The following CDK14 variants were observed in gnomAD, a reference collection of about 807,000 sequenced individuals.
CDK14 encodes cyclin dependent kinase 14.
Under a neutral mutation model 60.7 loss-of-function variants are expected in CDK14, and 34 were observed. That is an observed-to-expected ratio of 0.56 (90% CI 0.43 to 0.75). The LOEUF is 0.75. CDK14 is among the 30% of genes least tolerant of loss of function. The probability of loss-of-function intolerance (pLI) is 0.00; values close to 1 mark genes in which losing one functional copy is unlikely to be tolerated. For missense variants in CDK14, 482 were observed against 564.1 expected, an observed-to-expected ratio of 0.85 and a Z score of 1.47; for synonymous variants, 197 against 203.7, an observed-to-expected ratio of 0.97 and a Z score of 0.28.
intron 6 of CDK14, among the ~76,000 whole-genome samples, chr7:90,890,031 T>G (rs539081688): frequency 3.7e-4 from 57 of 152,320 alleles, no homozygotes; most frequent in Middle Eastern, 3.4e-3. Flanking sequence ...TGAATAACAT[T>G]TGATAAAATG....
chr7:91,058,031 C>T (rs1797643689), intron 11 of CDK14, among the ~76,000 whole-genome samples: 1 of 151,912 alleles, frequency 6.6e-6, no homozygotes, highest in Non-Finnish European at 1.5e-5. Context: ...ATTCTTCCTA[C>T]CCATGAGCAT....
chr7:90,773,843 C>CTCTCCTCTCCTCTCCTCTCCTCTCCT (rs1804886221), intron 4 of CDK14, among the ~76,000 whole-genome samples: 1 of 78,660 alleles, frequency 1.3e-5, no homozygotes, highest in Non-Finnish European at 2.3e-5. Context: ...TCTTCTCTTC[C>CTCTCCTCTCCTCTCCTCTCCTCTCCT]CTCCTCTCCT....
intron 11 of CDK14, among the ~76,000 whole-genome samples, chr7:91,061,410 A>G (rs1045422040): frequency 6.6e-6 from 1 of 152,182 alleles, no homozygotes; most frequent in Non-Finnish European, 1.5e-5. Flanking sequence ...CGTCAAAGTC[A>G]TTCTCCATCC....
chr7:90,694,185 GCAGT>G (rs1359903397), intron 2 of CDK14, among the ~76,000 whole-genome samples: 1 of 152,068 alleles, frequency 6.6e-6, no homozygotes, highest in South Asian at 2.1e-4. Flanking sequence ...ATTTTGTGAA[GCAGT>G]CAAAGATGGA....
At chr7:91,057,013 A>C (rs932763374) in intron 11 of CDK14, among the ~76,000 whole-genome samples, 19 of 152,118 alleles carry the variant, frequency 1.2e-4, no homozygotes, top group African/African-American at 3.9e-4. Context: ...AAACTAGTTT[A>C]CAGTCCCACC....
chr7:90,978,659 A>G (rs1195090648), intron 9 of CDK14, among the ~76,000 whole-genome samples: 2 of 152,126 alleles, frequency 1.3e-5, no homozygotes, highest in African/African-American at 2.4e-5. Flanking sequence ...TTTGGGAAAA[A>G]GTTAGATAGC....
At chr7:91,199,011 A>G (rs2115983453) in intron 14 of CDK14, among the ~76,000 whole-genome samples, 1 of 152,258 alleles carries the variant, frequency 6.6e-6, no homozygotes, top group Non-Finnish European at 1.5e-5. Flanking sequence ...CACTCTGGGG[A>G]GTGACTTTGT....
chr7:91,057,101 C>T (rs1343783918), intron 11 of CDK14, among the ~76,000 whole-genome samples: 1 of 152,172 alleles, frequency 6.6e-6, no homozygotes, highest in Non-Finnish European at 1.5e-5. Context: ...GATTGCCATT[C>T]TAACTGGTGT....
intron 2 of CDK14, among the ~76,000 whole-genome samples, chr7:90,667,940 G>T: frequency 6.6e-6 from 1 of 152,096 alleles, no homozygotes; most frequent in African/African-American, 2.4e-5. Context: ...TCCATTAGTT[G>T]ACGGACATTT....
intron 14 of CDK14, among the ~76,000 whole-genome samples, chr7:91,193,907 C>T (rs961527226): frequency 6.6e-6 from 1 of 152,052 alleles, no homozygotes; most frequent in Non-Finnish European, 1.5e-5. Flanking sequence ...CTCTTCTTGC[C>T]ATTAATTGTT....
chr7:90,675,462 A>G (rs1291243355), intron 2 of CDK14, among the ~76,000 whole-genome samples: 1 of 152,092 alleles, frequency 6.6e-6, no homozygotes, highest in Non-Finnish European at 1.5e-5. Flanking sequence ...TGAAATATAA[A>G]TTTGGTAATT....
chr7:90,728,407 T>C (rs1443877761), intron 3 of CDK14, among the ~76,000 whole-genome samples: 1 of 152,046 alleles, frequency 6.6e-6, no homozygotes, highest in African/African-American at 2.4e-5. Context: ...TTTAAATCTT[T>C]TTTTTCCTAC....
chr7:91,091,501 T>TTATATATATA (rs56670195), intron 12 of CDK14, among the ~76,000 whole-genome samples: 8,982 of 88,920 alleles, frequency 0.1, 999 homozygotes, highest in East Asian at 0.26. Flanking sequence ...TTTATATATT[T>TTATATATATA]TATATATATA....
intron 8 of CDK14, among the ~76,000 whole-genome samples, chr7:90,943,845 TTGAG>T (rs1347451131): frequency 6.6e-6 from 1 of 152,102 alleles, no homozygotes; most frequent in African/African-American, 2.4e-5. Context: ...CTGCTACAGT[TTGAG>T]TGTTTCCCCC....
intron 11 of CDK14, among the ~76,000 whole-genome samples, chr7:91,055,546 T>C (rs1300224001): frequency 6.6e-6 from 1 of 152,192 alleles, no homozygotes; most frequent in Non-Finnish European, 1.5e-5. Flanking sequence ...TTTTTAAAAA[T>C]CCCAAATAAA....
chr7:90,897,499 A>C (rs1262715570), intron 6 of CDK14, among the ~76,000 whole-genome samples: 1 of 152,092 alleles, frequency 6.6e-6, no homozygotes, highest in Non-Finnish European at 1.5e-5. Context: ...TTATAGTATA[A>C]TGAGCATTAT....
chr7:91,141,545 G>T (rs187598008), intron 14 of CDK14, among the ~76,000 whole-genome samples: 34 of 152,170 alleles, frequency 2.2e-4, no homozygotes, highest in East Asian at 7.7e-4. Context: ...AGATTCAAAA[G>T]CTGGGTCATT....
chr7:90,772,316 A>G (rs1262532149), intron 4 of CDK14, among the ~76,000 whole-genome samples: 4 of 152,220 alleles, frequency 2.6e-5, no homozygotes, highest in East Asian at 1.9e-4. Flanking sequence ...TGCAGGAGCC[A>G]TGAAACATTA....
rs994861190 is a variant in CDK14 at position 91,210,235 on chromosome 7, C to A, written c.*3099C>A. The A allele has an allele frequency of 3.9e-5, 6 of 152,586 alleles. No homozygotes were observed. The highest frequency in any genetic ancestry group is 2.9e-5 in the Non-Finnish European group (2 of 68,034). The allele number at this position is 152,586 out of a possible 1,614,324, so 9.5% of individuals were successfully genotyped here. A position where few individuals can be genotyped will look rare whatever the true frequency, so the allele number is the denominator to read the frequency against. On this transcript the variant is annotated 3_prime_UTR_variant, in exon 15 of 15. Coordinates refer to ENST00000380050, the MANE Select transcript of CDK14 (RefSeq NM_001287135.2). ...CAAAAAAATCAATAAAATAAGCAAT[C>A]TTCTATTCTCATTCCTTTTCCCACA...
Sources: allele counts gnomAD v4.1 joint callset (sites outside exome capture counted in the v4.1 genomes callset), GRCh38; gene constraint gnomAD v4.1.1; transcripts MANE v1.5; gene names NCBI Gene and HGNC (gene_info 2026-07-23, HGNC 2026-07-21).